Variants in HGFAC observed in about 807,000 individuals in gnomAD.
HGFAC encodes the protein hepatocyte growth factor activator serine protease.
In HGFAC, 76 loss-of-function variants were observed where a neutral mutation model predicts 70.6. That is an observed-to-expected ratio of 1.08 (90% confidence interval 0.89 to 1.30). The LOEUF (loss-of-function observed/expected upper bound fraction) is 1.30. Ranked by LOEUF, HGFAC falls within the 50% of genes most tolerant of loss-of-function variation. The probability of loss-of-function intolerance (pLI) is 0.00; values close to 1 mark genes in which losing one functional copy is unlikely to be tolerated. For missense variants in HGFAC, 1,044 were observed against 933.7 expected (o/e 1.12, Z -1.54); for synonymous variants, 464 against 405.3 (o/e 1.14, Z -1.74).
chr4:3,449,479 T>G lies in HGFAC; in HGVS notation c.*60T>G, dbSNP rs912979639. On this transcript the variant is annotated 3_prime_UTR_variant, in exon 14 of 14. Coordinates refer to ENST00000382774, the MANE Select transcript of HGFAC (RefSeq NM_001528.4). ...CTGCCTTGCTGACAATAAAGATATT[T>G]CCAAGAACCCGGCCCACGCTGCCTG... The G allele has an allele frequency of 2.7e-6, 4 of 1,460,020 alleles. No homozygotes were observed. Among genetic ancestry groups the G allele is most frequent in the East Asian group, 5.0e-5 (2 of 40,118 alleles). The allele number at this position is 1,460,020 out of a possible 1,614,324, so 90.4% of individuals were successfully genotyped here. A position where few individuals can be genotyped will look rare whatever the true frequency, so the allele number is the denominator to read the frequency against.
At chr4:3,447,425 T>G (rs1577127148) in intron 10 of HGFAC, 67 bp from the exon 11 acceptor site, 1 of 1,578,038 alleles carries the variant, frequency 6.3e-7, no homozygotes, top group Non-Finnish European at 8.7e-7. Flanking sequence ...TGACAGGGGG[T>G]GGGGAGAGGT....
At chr4:3,444,196 GGGC>G in intron 5 of HGFAC, 35 bp downstream of exon 5, 2 of 1,578,948 alleles carry the variant, frequency 1.3e-6, no homozygotes, top group Non-Finnish European at 1.7e-6. Flanking sequence ...AGGGGTCCAG[GGGC>G]CGGAGCAAGT....
At chr4:3,446,379 C>T (rs1305207341) in intron 10 of HGFAC, 85 bp downstream of exon 10, 20 of 1,483,022 alleles carry the variant, frequency 1.3e-5, no homozygotes, top group Middle Eastern at 2.4e-4. Flanking sequence ...CACCCGCTTG[C>T]GGACCCCATC....
chr4:3,448,425 T>C (rs1725609170), intron 13 of HGFAC, 149 bp downstream of exon 13: 1 of 974,546 alleles, frequency 1.0e-6, no homozygotes, highest in Non-Finnish European at 1.5e-6. Context: ...GGAGCACACT[T>C]ACTGTCGGTG....
In HGFAC at chr4:3,444,452, G is replaced by T. The variant is rs767180721; in HGVS notation, c.730+10G>T. The T allele has an allele frequency of 5.0e-5, 80 of 1,584,238 alleles. No homozygotes were observed. The highest frequency in any genetic ancestry group is 1.9e-4 in the Middle Eastern group (1 of 5,328). On this transcript the variant is annotated intron_variant, in intron 6 of 13. Coordinates refer to ENST00000382774, the MANE Select transcript of HGFAC (RefSeq NM_001528.4). ...GGCACCCGACATACAGGTGCGCCAC[G>T]GGGTGTGAGCCGTGCCACTGACCCC...
Position 3,447,265 on chromosome 4 carries a change from C to A in HGFAC, c.1356-227C>A, listed in dbSNP as rs368470433. ...AGTGTTGTCAGGAGGGATGGCACCG[C>A]ACTTCAGCTCCCATGCCTGGATCTG... On this transcript the variant is annotated intron_variant, in intron 10 of 13. Transcript: ENST00000382774. Among the ~76,000 whole-genome samples, 17 of 152,312 alleles carry A rather than the reference C, an allele frequency of 1.1e-4. 1 individual carries two copies. In the East Asian group the frequency reaches 2.5e-3, roughly 22 times the overall value.
In HGFAC at chr4:3,444,945, C is replaced by A; in HGVS notation, c.968C>A (p.Ser323Tyr). The A allele has an allele frequency of 6.2e-7, 1 of 1,608,232 alleles. No individual in the cohort carries two copies. The highest frequency in any genetic ancestry group is 1.1e-5 in the South Asian group (1 of 90,504). Reference protein sequence around the residue: ...DLLYQELHVDSVGAAALLGLG... With the variant: ...DLLYQELHVDYVGAAALLGLG... ...CTCTACCAGGAGCTGCACGTGGACT[C>A]CGTGGGCGCCGCGGCCCTGCTGGGC... The change falls in exon 8 of 14, where the codon TCC becomes TAC. Residue 323 changes from serine to tyrosine, a missense_variant. Transcript: ENST00000382774.
chr4:3,443,262 C>A, intron 3 of HGFAC, 79 bp from the exon 4 acceptor site: 2 of 1,389,996 alleles, frequency 1.4e-6, no homozygotes, highest in Non-Finnish European at 2.0e-6. Flanking sequence ...CCCAGTGAAC[C>A]CAGAGACCCT....
At chr4:3,445,742 T>C in intron 9 of HGFAC, 1 of 843,222 alleles carries the variant, frequency 1.2e-6, no homozygotes, top group Non-Finnish European at 1.9e-6. Context: ...GGGGCTCTCA[T>C]GTGGGGGTCT....
Position 3,444,128 on chromosome 4 carries a change from C to T in HGFAC, c.565C>T (p.Pro189Ser). 6 of 1,611,736 alleles carry T rather than the reference C, an allele frequency of 3.7e-6. No individual in the cohort carries two copies. The highest frequency in any genetic ancestry group is 3.4e-6 in the Non-Finnish European group (4 of 1,179,478). The change falls in exon 5 of 14, where the codon CCC becomes TCC. Residue 189 changes from proline (P) to serine (S), a missense_variant. Coordinates refer to ENST00000382774, the MANE Select transcript of HGFAC (RefSeq NM_001528.4). ...QDPQSYHCSC[P>S]RAFTGKDCGT... ...CCCCCAGTCCTATCACTGCAGCTGCCCCCGGGCCTTCACCGGCAAGGACTG... is the reference window on the plus strand; with the variant it reads ...CCCCCAGTCCTATCACTGCAGCTGCTCCCGGGCCTTCACCGGCAAGGACTG...
At position 3,448,213 on chromosome 4, in the gene HGFAC, C is replaced by T. The variant is rs758435792; in HGVS notation, c.1722C>T (p.Gly574=). The stretch of plus-strand genomic sequence containing the variant: ...AGTGCAGCAGCCCTGAGGTCTACGG[C>T]GCCGACATCAGCCCCAACATGCTCT... The part of the protein sequence containing the change: ...DHKCSSPEVY[G]ADISPNMLCA... The change falls in exon 13 of 14, where the codon GGC becomes GGT. Residue 574 remains glycine (G), a synonymous_variant. Coordinates refer to ENST00000382774, the MANE Select transcript of HGFAC (RefSeq NM_001528.4). The T allele has an allele frequency of 1.1e-5, 18 of 1,607,462 alleles. No homozygotes were observed. The highest frequency in any genetic ancestry group is 1.1e-4 in the African/African-American group (8 of 74,818).
chr4:3,443,553 C>T (rs1447989393), intron 4 of HGFAC, 133 bp downstream of exon 4: 1 of 541,680 alleles, frequency 1.8e-6, no homozygotes, highest in South Asian at 3.2e-5. Context: ...CTGGGATTAA[C>T]CCCGGTGGGT....
At position 3,444,143 on chromosome 4, in the gene HGFAC, G is replaced by C. The variant is rs917199559; in HGVS notation, c.580G>C (p.Gly194Arg). ...CTGCAGCTGCCCCCGGGCCTTCACCGGCAAGGACTGCGGCACAGGTGAGCT... is the reference window on the plus strand; with the variant it reads ...CTGCAGCTGCCCCCGGGCCTTCACCCGCAAGGACTGCGGCACAGGTGAGCT... ...YHCSCPRAFT[G>R]KDCGTEKCFD... The change falls in exon 5 of 14, where the codon GGC becomes CGC. Residue 194 changes from glycine (G) to arginine (R), a missense_variant. Gly to Arg is a moderately radical substitution (Grantham distance 125). Transcript: ENST00000382774. The C allele has an allele frequency of 1.2e-5, 20 of 1,610,062 alleles. No individual in the cohort carries two copies. The highest frequency in any genetic ancestry group is 3.4e-5 in the Admixed American group (2 of 59,622).
Position 3,449,409 on chromosome 4 carries a change from C to T in HGFAC, c.1958C>T (p.Ala653Val). Residue 653 changes from alanine (A) to valine (V), a missense_variant, in exon 14 of 14, where the codon GCT (alanine) becomes GTT (valine). Coordinates refer to ENST00000382774, the MANE Select transcript of HGFAC (RefSeq NM_001528.4). ...DRIRPPRRLVAPS is the reference protein window; with the variant it reads ...DRIRPPRRLVVPS Reference sequence around the variant, plus strand: ...ATACGGCCTCCCAGGCGGCTTGTGGCTCCCTCCTGACCCTCCAGCGGGACA... The same window carrying T: ...ATACGGCCTCCCAGGCGGCTTGTGGTTCCCTCCTGACCCTCCAGCGGGACA... 1 of 1,560,346 alleles carries T rather than the reference C, an allele frequency of 6.4e-7. No individual in the cohort carries two copies. Among genetic ancestry groups the T allele is most frequent in the Non-Finnish European group, 8.7e-7 (1 of 1,149,470 alleles).
In HGFAC at chr4:3,447,925, G is replaced by A. The variant is rs16844401; in HGVS notation, c.1526G>A (p.Arg509His). The change falls in exon 12 of 14, where the codon CGC (arginine) becomes CAC (histidine). Residue 509 changes from arginine to histidine, a missense_variant. By Grantham distance (29) the Arg-to-His change is conservative. Coordinates refer to ENST00000382774, the MANE Select transcript of HGFAC (RefSeq NM_001528.4). The part of the protein sequence containing the change: ...VLIRLKKKGD[R>H]CATRSQFVQP... ...ATCCGGCTGAAGAAGAAAGGGGACC[G>A]CTGTGCCACACGCTCGCAGTTCGTG... The A allele has an allele frequency of 0.069, 110,468 of 1,609,362 alleles. 4,523 individuals are homozygous for A. The highest frequency in any genetic ancestry group is 0.12 in the East Asian group (5,262 of 44,716).
chr4:3,445,185 T>TG, intron 8 of HGFAC, 80 bp from the exon 9 acceptor site: 1 of 1,352,568 alleles, frequency 7.4e-7, no homozygotes, highest in Non-Finnish European at 1.0e-6. Flanking sequence ...ACCGCCCTGC[T>TG]GGGGGTTCCG....
rs1277517529 is a variant in HGFAC, at chr4:3,446,289, C to G, written c.1350C>G (p.Ser450=). Residue 450 remains serine, a synonymous_variant, in exon 10 of 14, where the codon TCC becomes TCG. Coordinates refer to ENST00000382774, the MANE Select transcript of HGFAC (RefSeq NM_001528.4). ...TGGTGTCGGCCGCCCACTGCTTCTCCCACAGGTGCACCTCCTCTGGGCCCC... is the reference window on the plus strand; with the variant it reads ...TGGTGTCGGCCGCCCACTGCTTCTCGCACAGGTGCACCTCCTCTGGGCCCC... ...CWVVSAAHCF[S]HSPPRDSVSV... The G allele has an allele frequency of 1.9e-6, 3 of 1,605,560 alleles. No homozygotes were observed. The highest frequency in any genetic ancestry group is 1.1e-5 in the South Asian group (1 of 90,586).
chr4:3,449,339 G>T lies in HGFAC; in HGVS notation c.1888G>T (p.Val630Phe), dbSNP rs760828724. The T allele has an allele frequency of 1.2e-6, 2 of 1,611,254 alleles. No individual in the cohort carries two copies. The highest frequency in any genetic ancestry group is 1.7e-6 in the Non-Finnish European group (2 of 1,179,118). Residue 630 changes from valine to phenylalanine, a missense_variant, in exon 14 of 14, where the codon GTC becomes TTC. Physicochemically the swap from Val to Phe is conservative, Grantham distance 50. Transcript: ENST00000382774. ...DGCGRLHKPG[V>F]YTRVANYVDW... ...CTGCGGGCGGCTCCACAAGCCGGGGGTCTACACCCGCGTGGCCAACTATGT... is the reference window on the plus strand; with the variant it reads ...CTGCGGGCGGCTCCACAAGCCGGGGTTCTACACCCGCGTGGCCAACTATGT...
rs781505572 is a variant in HGFAC, at chr4:3,447,483, C to G, written c.1356-9C>G. 5 of 1,612,302 alleles carry G rather than the reference C, an allele frequency of 3.1e-6. No homozygotes were observed. Among genetic ancestry groups the G allele is most frequent in the South Asian group, 1.1e-5 (1 of 91,034 alleles). ...CTGGTCCATGCAGCCTCCAGCCCCC[C>G]TTGCACAGCCCCCCCAGGGACAGCG... On this transcript the variant is annotated splice_polypyrimidine_tract_variant and intron_variant, in intron 10 of 13. Transcript: ENST00000382774.
Sources: allele counts gnomAD v4.1 joint callset (sites outside exome capture counted in the v4.1 genomes callset), GRCh38; gene constraint gnomAD v4.1.1; transcripts MANE v1.5; gene names NCBI Gene and HGNC (gene_info 2026-07-23, HGNC 2026-07-21).